Variants in CACNA2D3 observed in about 807,000 individuals in gnomAD.
CACNA2D3 encodes the protein calcium voltage-gated channel auxiliary subunit alpha2delta 3, also known as voltage-dependent calcium channel subunit alpha-2/delta-3.
CACNA2D3 carries 60 observed loss-of-function variants against 160.6 expected under a neutral mutation model. That is an observed-to-expected ratio of 0.37 (90% CI 0.30 to 0.46). The LOEUF (loss-of-function observed/expected upper bound fraction) is 0.46. CACNA2D3 is among the 20% of genes least tolerant of loss of function. The pLI is 1.00. For missense variants in CACNA2D3, 1,205 were observed against 1,365.0 expected, an observed-to-expected ratio of 0.88 and a Z score of 1.85; for synonymous variants, 558 against 492.9, an observed-to-expected ratio of 1.13 and a Z score of -1.75.
intron 13 of CACNA2D3, among the ~76,000 whole-genome samples, chr3:54,787,591 ATTAG>A (rs759127079): frequency 2.6e-5 from 4 of 152,192 alleles, no homozygotes; most frequent in Non-Finnish European, 4.4e-5. Context: ...AACTTTAAAA[ATTAG>A]TTAGGCCTTT....
intron 26 of CACNA2D3, among the ~76,000 whole-genome samples, chr3:54,898,731 T>C (rs935176894): frequency 6.6e-6 from 1 of 152,218 alleles, no homozygotes; most frequent in Non-Finnish European, 1.5e-5. Flanking sequence ...TGTTGTTGGA[T>C]TGGTTTTTGG....
chr3:55,022,321 C>T (rs1051917182), intron 35 of CACNA2D3, among the ~76,000 whole-genome samples: 1 of 151,916 alleles, frequency 6.6e-6, no homozygotes, highest in Non-Finnish European at 1.5e-5. Flanking sequence ...CATATTTTCC[C>T]CTTTCCCTCC....
intron 4 of CACNA2D3, among the ~76,000 whole-genome samples, chr3:54,442,979 A>G (rs555263337): frequency 4.0e-4 from 61 of 152,278 alleles, no homozygotes; most frequent in African/African-American, 1.5e-3. Context: ...TATGCCCCAC[A>G]TCTCCCTGGG....
chr3:54,840,823 C>T (rs1019574298), intron 16 of CACNA2D3, among the ~76,000 whole-genome samples: 4 of 147,032 alleles, frequency 2.7e-5, no homozygotes, highest in Non-Finnish European at 4.5e-5. Flanking sequence ...CCTGGGTTCA[C>T]GCCATTCTCC....
At chr3:54,761,366 C>T (rs1702077235) in intron 12 of CACNA2D3, among the ~76,000 whole-genome samples, 1 of 152,196 alleles carries the variant, frequency 6.6e-6, no homozygotes, top group Non-Finnish European at 1.5e-5. Context: ...CTTAGCTTGT[C>T]CTCTGTGTCA....
At chr3:54,734,238 A>C (rs1417765459) in intron 11 of CACNA2D3, among the ~76,000 whole-genome samples, 1 of 152,184 alleles carries the variant, frequency 6.6e-6, no homozygotes, top group Non-Finnish European at 1.5e-5. Flanking sequence ...TGCTGAGGAC[A>C]CTAAGTCATT....
At chr3:55,015,016 A>G (rs1429110943) in intron 34 of CACNA2D3, among the ~76,000 whole-genome samples, 1 of 152,178 alleles carries the variant, frequency 6.6e-6, no homozygotes, top group East Asian at 1.9e-4. Context: ...GTGCCCTACA[A>G]TTGTCAAAGG....
At chr3:54,309,454 A>G (rs1024127169) in intron 2 of CACNA2D3, among the ~76,000 whole-genome samples, 6 of 152,220 alleles carry the variant, frequency 3.9e-5, no homozygotes, top group Non-Finnish European at 8.8e-5. Context: ...GAGTATAGAC[A>G]GTAAAACAGG....
intron 27 of CACNA2D3, among the ~76,000 whole-genome samples, chr3:54,952,293 C>G (rs1196058915): frequency 6.6e-6 from 1 of 152,158 alleles, no homozygotes; most frequent in Non-Finnish European, 1.5e-5. Flanking sequence ...AACTAAGCCC[C>G]CCAGGGCTCT....
At chr3:55,006,146 G>A (rs1445462064) in intron 32 of CACNA2D3, among the ~76,000 whole-genome samples, 2 of 152,142 alleles carry the variant, frequency 1.3e-5, no homozygotes, top group South Asian at 2.1e-4. Flanking sequence ...AGACATTAAA[G>A]GTTCCCAAGA....
chr3:55,071,095 T>C (rs1409718185), intron 35 of CACNA2D3, among the ~76,000 whole-genome samples: 1 of 152,180 alleles, frequency 6.6e-6, no homozygotes, highest in East Asian at 1.9e-4. Context: ...TACTTTTTGG[T>C]ATGAACTCTT....
chr3:54,873,043 C>T (rs1699575886), intron 18 of CACNA2D3, among the ~76,000 whole-genome samples: 1 of 151,994 alleles, frequency 6.6e-6, no homozygotes, highest in Non-Finnish European at 1.5e-5. Flanking sequence ...GGATGTTTGT[C>T]TTGGGTGAGT....
At chr3:54,326,936 A>G (rs182785624) in intron 3 of CACNA2D3, among the ~76,000 whole-genome samples, 1 of 152,294 alleles carries the variant, frequency 6.6e-6, no homozygotes, top group Non-Finnish European at 1.5e-5. Context: ...TATCTTGTCT[A>G]TTTGTCCCCT....
intron 35 of CACNA2D3, among the ~76,000 whole-genome samples, chr3:55,042,740 T>C (rs1051103383): frequency 3.3e-5 from 5 of 152,206 alleles, no homozygotes; most frequent in Non-Finnish European, 5.9e-5. Flanking sequence ...ATAGCAATTC[T>C]ATCATCTGAG....
chr3:54,272,125 C>T (rs932532429), intron 2 of CACNA2D3, among the ~76,000 whole-genome samples: 5 of 152,208 alleles, frequency 3.3e-5, no homozygotes, highest in African/African-American at 1.2e-4. Flanking sequence ...CCATGGGCTA[C>T]AGCTGGACAT....
intron 2 of CACNA2D3, among the ~76,000 whole-genome samples, chr3:54,132,788 A>C (rs1047015992): frequency 6.6e-6 from 1 of 152,176 alleles, no homozygotes; most frequent in Non-Finnish European, 1.5e-5. Context: ...GAGTGACGAC[A>C]ATCTGGGTTT....
intron 4 of CACNA2D3, among the ~76,000 whole-genome samples, chr3:54,453,281 C>T (rs1456588562): frequency 6.6e-6 from 1 of 152,206 alleles, no homozygotes; most frequent in Admixed American, 6.5e-5. Context: ...GCATGAGCCA[C>T]TGTGCCCAGC....
chr3:54,170,980 T>C (rs1700551276), intron 2 of CACNA2D3, among the ~76,000 whole-genome samples: 1 of 151,894 alleles, frequency 6.6e-6, no homozygotes. Context: ...AGAGAGAGCC[T>C]AGACAGGGGG....
At chr3:54,423,111 T>A (rs1699862911) in intron 4 of CACNA2D3, among the ~76,000 whole-genome samples, 2 of 152,144 alleles carry the variant, frequency 1.3e-5, no homozygotes, top group African/African-American at 4.8e-5. Flanking sequence ...AAACTGATCA[T>A]ATATATTTTG....
Sources: gnomAD v4.1 joint callset for allele counts (sites outside exome capture counted in the v4.1 genomes callset) on GRCh38, gnomAD v4.1.1 for gene constraint, MANE v1.5 for transcripts, NCBI Gene and HGNC (gene_info 2026-07-23, HGNC 2026-07-21) for gene names.